NRG3: variants seen among roughly 807,000 people sequenced by gnomAD.
NRG3 encodes neuregulin 3, also known as pro-neuregulin-3, membrane-bound isoform.
NRG3 carries 31 observed loss-of-function variants against 66.9 expected under a neutral mutation model. That is an observed-to-expected ratio of 0.46 (90% CI 0.35 to 0.63). NRG3 has a LOEUF of 0.63. Among genes scored for constraint, NRG3 ranks in the 20% least tolerant of loss-of-function variants. NRG3 has a pLI of 0.00. For missense variants in NRG3, 910 were observed against 878.9 expected (o/e 1.04, Z -0.45); for synonymous variants, 393 against 359.4 (o/e 1.09, Z -1.06).
At chr10:82,280,731 C>T (rs1477577037) in intron 1 of NRG3, among the ~76,000 whole-genome samples, 1 of 152,190 alleles carries the variant, frequency 6.6e-6, no homozygotes, top group Non-Finnish European at 1.5e-5. Flanking sequence ...CCTGCATATC[C>T]TCTGCTCCCA....
intron 4 of NRG3, among the ~76,000 whole-genome samples, chr10:82,868,009 G>A (rs1212029201): frequency 6.6e-6 from 1 of 152,200 alleles, no homozygotes; most frequent in Non-Finnish European, 1.5e-5. Flanking sequence ...CAGGCTCAGT[G>A]AGGCTTTATA....
intron 1 of NRG3, among the ~76,000 whole-genome samples, chr10:82,168,135 T>C (rs548519072): frequency 6.6e-6 from 1 of 152,270 alleles, no homozygotes; most frequent in African/African-American, 2.4e-5. Flanking sequence ...CTTTGAATAT[T>C]TTCTCTTTGT....
intron 2 of NRG3, among the ~76,000 whole-genome samples, chr10:82,480,598 A>AC (rs2132141728): frequency 6.6e-6 from 1 of 152,316 alleles, no homozygotes; most frequent in South Asian, 2.1e-4. Context: ...CATTTACATT[A>AC]CATATTGGCA....
At chr10:82,474,390 C>A (rs180684565) in intron 2 of NRG3, among the ~76,000 whole-genome samples, 1 of 151,216 alleles carries the variant, frequency 6.6e-6, no homozygotes, top group African/African-American at 2.4e-5. Context: ...TATATATGAA[C>A]AAAATGAGAA....
At chr10:82,927,881 A>T in intron 4 of NRG3, among the ~76,000 whole-genome samples, 1 of 152,146 alleles carries the variant, frequency 6.6e-6, no homozygotes, top group East Asian at 1.9e-4. Flanking sequence ...GTTGGGTCAA[A>T]TGGTATTTCT....
chr10:82,618,898 A>G (rs2048847312), intron 2 of NRG3, among the ~76,000 whole-genome samples: 2 of 151,514 alleles, frequency 1.3e-5, no homozygotes, highest in Admixed American at 6.6e-5. Context: ...AAATTTTAAC[A>G]TATTTCTTTC....
chr10:81,945,152 A>C (rs1471525773), intron 1 of NRG3, among the ~76,000 whole-genome samples: 7 of 152,002 alleles, frequency 4.6e-5, no homozygotes, highest in Admixed American at 4.6e-4. Context: ...ACTTGTCACA[A>C]CTGGATTGGA....
intron 2 of NRG3, among the ~76,000 whole-genome samples, chr10:82,668,985 G>A (rs72829362): frequency 0.024 from 3,694 of 152,096 alleles, 80 homozygotes; most frequent in Non-Finnish European, 0.03. Context: ...TGTTAAAGTC[G>A]GTAAATGCTC....
At chr10:82,214,008 G>A (rs1403734196) in intron 1 of NRG3, among the ~76,000 whole-genome samples, 1 of 152,098 alleles carries the variant, frequency 6.6e-6, no homozygotes, top group African/African-American at 2.4e-5. Context: ...CTCAGACGCT[G>A]CCACAGTTCC....
chr10:81,942,510 A>C (rs925567928), intron 1 of NRG3, among the ~76,000 whole-genome samples: 1 of 152,200 alleles, frequency 6.6e-6, no homozygotes, highest in Non-Finnish European at 1.5e-5. Context: ...CACAAGATCT[A>C]TATCAGTCCT....
chr10:82,789,720 G>A (rs936098255), intron 3 of NRG3, among the ~76,000 whole-genome samples: 1 of 151,756 alleles, frequency 6.6e-6, no homozygotes, highest in Non-Finnish European at 1.5e-5. Flanking sequence ...CTGCCTCTTT[G>A]CTCTTTGTTT....
intron 3 of NRG3, among the ~76,000 whole-genome samples, chr10:82,752,278 G>T (rs1304964344): frequency 6.6e-6 from 1 of 152,152 alleles, no homozygotes; most frequent in Non-Finnish European, 1.5e-5. Flanking sequence ...GCATAAAGAG[G>T]TTTACAATAA....
At chr10:82,430,694 C>G (rs2089748251) in intron 2 of NRG3, among the ~76,000 whole-genome samples, 1 of 152,086 alleles carries the variant, frequency 6.6e-6, no homozygotes, top group South Asian at 2.1e-4. Context: ...TAGTTTCTTT[C>G]ATGGACTAAT....
chr10:82,369,689 T>C (rs1306550076), intron 2 of NRG3, among the ~76,000 whole-genome samples: 1 of 139,034 alleles, frequency 7.2e-6, no homozygotes, highest in Non-Finnish European at 1.5e-5. Context: ...ATGATGAGTA[T>C]GACATATACT....
intron 8 of NRG3, among the ~76,000 whole-genome samples, chr10:82,981,705 G>A (rs1021541859): frequency 6.6e-6 from 1 of 152,156 alleles, no homozygotes; most frequent in Admixed American, 6.6e-5. Context: ...GAAGGAGTGA[G>A]GTGGAGAGGA....
At chr10:82,673,387 T>C (rs957499797) in intron 2 of NRG3, among the ~76,000 whole-genome samples, 10 of 152,216 alleles carry the variant, frequency 6.6e-5, no homozygotes, top group Admixed American at 4.6e-4. Context: ...TGACCAGAAA[T>C]AGGCAGTAGG....
At chr10:82,423,915 G>C (rs1171066597) in intron 2 of NRG3, among the ~76,000 whole-genome samples, 1 of 151,824 alleles carries the variant, frequency 6.6e-6, no homozygotes, top group Non-Finnish European at 1.5e-5. Flanking sequence ...TTTGTCCCTG[G>C]CTTCTTTAAA....
At chr10:82,298,991 T>G (rs1167071575) in intron 1 of NRG3, among the ~76,000 whole-genome samples, 5 of 152,198 alleles carry the variant, frequency 3.3e-5, no homozygotes, top group Middle Eastern at 3.4e-3. Flanking sequence ...CCTGATAGAT[T>G]GGAGTGTTCA....
intron 2 of NRG3, among the ~76,000 whole-genome samples, chr10:82,632,436 C>T (rs1199164308): frequency 2.0e-5 from 3 of 152,148 alleles, no homozygotes; most frequent in South Asian, 2.1e-4. Context: ...TTATTTCTAG[C>T]CCTTTTTTTA....
Sources: allele counts gnomAD v4.1 joint callset (sites outside exome capture counted in the v4.1 genomes callset), GRCh38; gene constraint gnomAD v4.1.1; transcripts MANE v1.5; gene names NCBI Gene and HGNC (gene_info 2026-07-23, HGNC 2026-07-21).